Variants in RELCH observed in about 807,000 individuals in gnomAD.
The protein encoded by RELCH is RAB11 binding and LisH domain, coiled-coil and HEAT repeat containing.
In RELCH, 41 loss-of-function variants were observed where a neutral mutation model predicts 150.3. The ratio of observed to expected loss-of-function variants is 0.27; its 90% CI spans 0.21 to 0.35. RELCH has a LOEUF of 0.35. Among genes scored for constraint, RELCH ranks in the 10% least tolerant of loss-of-function variants. RELCH has a pLI of 1.00. For missense variants in RELCH, 1,092 were observed against 1,467.8 expected, an observed-to-expected ratio of 0.74 and a Z score of 4.18; for synonymous variants, 478 against 531.8, an observed-to-expected ratio of 0.90 and a Z score of 1.39.
intron 8 of RELCH, among the ~76,000 whole-genome samples, chr18:62,229,180 TA>T (rs1215214803): frequency 3.9e-5 from 6 of 152,072 alleles, no homozygotes; most frequent in Non-Finnish European, 8.8e-5. Flanking sequence ...AGATTATGAT[TA>T]AAAAATACTT....
chr18:62,293,118 A>G (rs550601063), intron 27 of RELCH, among the ~76,000 whole-genome samples: 4 of 152,240 alleles, frequency 2.6e-5, no homozygotes, highest in South Asian at 4.1e-4. Flanking sequence ...CTTTTCTTCC[A>G]TGCCTTTGCC....
Position 62,273,988 on chromosome 18 carries a change from C to T in RELCH, c.2769C>T (p.Asp923=), listed in dbSNP as rs1378832764. 4 of 1,608,394 alleles carry T rather than the reference C, an allele frequency of 2.5e-6. No individual in the cohort carries two copies. The highest frequency in any genetic ancestry group is 3.4e-6 in the Non-Finnish European group (4 of 1,175,524). The change falls in exon 21 of 29, where the codon GAC becomes GAT. Residue 923 remains aspartate (D), a synonymous_variant. Transcript: ENST00000644646. ...GTATTTTTCCTCTGTAGGAAGAAGA[C>T]CGAAAACTGTTAGTTGGATTCTTAG... The part of the protein sequence containing the change: ...GVLTCYIQEE[D]RKLLVGFLED...
chr18:62,239,044 ACT>A (rs2042011668), intron 10 of RELCH, among the ~76,000 whole-genome samples: 1 of 152,054 alleles, frequency 6.6e-6, no homozygotes, highest in Non-Finnish European at 1.5e-5. Context: ...GAGGATCATA[ACT>A]CTATGAGATG....
chr18:62,248,417 A>G (rs937504821), intron 11 of RELCH, among the ~76,000 whole-genome samples: 13 of 152,194 alleles, frequency 8.5e-5, no homozygotes, highest in Admixed American at 7.2e-4. Context: ...GAAGTTATGT[A>G]TTAATTAACA....
At chr18:62,299,708 G>T (rs2045582428) in intron 28 of RELCH, among the ~76,000 whole-genome samples, 1 of 152,108 alleles carries the variant, frequency 6.6e-6, no homozygotes, top group South Asian at 2.1e-4. Context: ...TTTTATAGAG[G>T]TTTTTTACAG....
intron 25 of RELCH, among the ~76,000 whole-genome samples, chr18:62,287,069 G>A (rs1030675538): frequency 6.6e-6 from 1 of 152,164 alleles, no homozygotes; most frequent in African/African-American, 2.4e-5. Context: ...CTGGGAAACT[G>A]AATTACAGTG....
chr18:62,263,945 A>G (rs2144719071), intron 16 of RELCH, 44 bp from the exon 17 acceptor site: 2 of 1,554,620 alleles, frequency 1.3e-6, no homozygotes, highest in East Asian at 4.8e-5. Flanking sequence ...AAGTTCCCAA[A>G]ATGCCAATTT....
chr18:62,255,755 C>A (rs2042965980), intron 13 of RELCH, among the ~76,000 whole-genome samples: 2 of 151,952 alleles, frequency 1.3e-5, no homozygotes, highest in Admixed American at 1.3e-4. Flanking sequence ...TGAGATCCTT[C>A]CAAAAAGGTC....
intron 1 of RELCH, among the ~76,000 whole-genome samples, chr18:62,210,356 A>G (rs2040081122): frequency 6.6e-6 from 1 of 152,124 alleles, no homozygotes; most frequent in Non-Finnish European, 1.5e-5. Flanking sequence ...ATTGTTCCAC[A>G]TGTCCCTAAG....
chr18:62,296,567 C>G (rs1301727097), intron 27 of RELCH, among the ~76,000 whole-genome samples: 2 of 151,622 alleles, frequency 1.3e-5, no homozygotes, highest in African/African-American at 4.8e-5. Flanking sequence ...GCCTGGGCAA[C>G]AAGAGCGAAA....
rs189724239 is a variant in RELCH, at chr18:62,219,101, T to C, written c.617-1936T>C. On this transcript the variant is annotated intron_variant, in intron 2 of 28. Transcript: ENST00000644646. ...AAACATGCAGCAGAGTGAATTCATA[T>C]TGATAAGTATTATCTTTTCAAAGTA... Among the ~76,000 whole-genome samples, 10 of 152,010 alleles carry C rather than the reference T, an allele frequency of 6.6e-5. No homozygotes were observed. In the East Asian group the frequency reaches 1.3e-3, roughly 21 times the overall value.
intron 19 of RELCH, among the ~76,000 whole-genome samples, chr18:62,268,334 TG>T (rs1302649964): frequency 1.3e-5 from 2 of 152,102 alleles, no homozygotes; most frequent in African/African-American, 4.8e-5. Context: ...CCTTTTTCTC[TG>T]CTTTACTTAG....
chr18:62,222,776 T>G (rs1033181164), intron 5 of RELCH, among the ~76,000 whole-genome samples: 1 of 151,988 alleles, frequency 6.6e-6, no homozygotes, highest in African/African-American at 2.4e-5. Flanking sequence ...TACATACTCT[T>G]TAAATTCAAA....
Position 62,289,609 on chromosome 18 carries a change from G to T in RELCH, c.3371-1934G>T, listed in dbSNP as rs148284172. Among the ~76,000 whole-genome samples the T allele has an allele frequency of 2.7e-3, 416 of 152,208 alleles. 5 individuals carry two copies. The highest frequency in any genetic ancestry group is 9.8e-3 in the African/African-American group (408 of 41,534). ...AATACTAACAAGCAGAGATAACAGAGGCTGATTTCTTTTATAAGAAAAACT... is the reference window on the plus strand; with the variant it reads ...AATACTAACAAGCAGAGATAACAGATGCTGATTTCTTTTATAAGAAAAACT... On this transcript the variant is annotated intron_variant, in intron 26 of 28. Coordinates refer to ENST00000644646, the MANE Select transcript of RELCH (RefSeq NM_001346231.2).
At chr18:62,271,053 C>G (rs1199162627) in intron 20 of RELCH, among the ~76,000 whole-genome samples, 1 of 152,114 alleles carries the variant, frequency 6.6e-6, no homozygotes, top group African/African-American at 2.4e-5. Context: ...AATAAACATA[C>G]GTGTGCATGT....
intron 4 of RELCH, 32 bp from the exon 5 acceptor site, chr18:62,221,352 G>A: frequency 6.5e-7 from 1 of 1,549,928 alleles, no homozygotes; most frequent in South Asian, 1.1e-5. Context: ...GAATACTTAT[G>A]ATTTCCTGTT....
intron 1 of RELCH, among the ~76,000 whole-genome samples, chr18:62,208,461 G>T (rs1320164146): frequency 6.6e-6 from 1 of 151,910 alleles, no homozygotes; most frequent in East Asian, 1.9e-4. Context: ...TGACAAAAAC[G>T]TCATAGCTCA....
chr18:62,299,225 G>A (rs765050083), intron 28 of RELCH, among the ~76,000 whole-genome samples: 2 of 152,156 alleles, frequency 1.3e-5, no homozygotes, highest in East Asian at 3.8e-4. Context: ...GATGAACAAC[G>A]TACTGCATAA....
chr18:62,264,023 A>G lies in RELCH; in HGVS notation c.2385A>G (p.Gln795=), dbSNP rs773566222. Residue 795 remains glutamine, a synonymous_variant, in exon 17 of 29, where the codon CAA becomes CAG. Coordinates refer to ENST00000644646, the MANE Select transcript of RELCH (RefSeq NM_001346231.2). The part of the protein sequence containing the change: ...TRFPRPMSPL[Q]DVSTIIGSRE... Reference sequence around the variant, plus strand: ...TTCCTCGGCCTATGTCGCCTCTTCAAGATGTGTCCACTATTATCGGAAGTC... The same window carrying G: ...TTCCTCGGCCTATGTCGCCTCTTCAGGATGTGTCCACTATTATCGGAAGTC... 1 of 1,609,264 alleles carries G rather than the reference A, an allele frequency of 6.2e-7. No homozygotes were observed.
Sources: allele counts gnomAD v4.1 joint callset (sites outside exome capture counted in the v4.1 genomes callset), GRCh38; gene constraint gnomAD v4.1.1; transcripts MANE v1.5; gene names NCBI Gene and HGNC (gene_info 2026-07-23, HGNC 2026-07-21).